The following NUCB1 variants were observed in gnomAD, a reference collection of about 807,000 sequenced individuals.
NUCB1 encodes the protein nucleobindin 1, also known as nucleobindin-1.
Under a neutral mutation model 61.2 loss-of-function variants are expected in NUCB1, and 47 were observed. The observed-to-expected ratio is 0.77, with a 90% CI of 0.61 to 0.98. The LOEUF is 0.98. Ranked by LOEUF, NUCB1 falls within the 50% of genes least tolerant of loss-of-function variation. NUCB1 has a pLI of 0.00. For synonymous variants in NUCB1, 234 were observed against 243.1 expected, an observed-to-expected ratio of 0.96 and a Z score of 0.35; for missense variants, 583 against 605.3, an observed-to-expected ratio of 0.96 and a Z score of 0.39.
chr19:48,920,162 G>A (rs1373339549), intron 10 of NUCB1, among the ~76,000 whole-genome samples: 1 of 152,064 alleles, frequency 6.6e-6, no homozygotes, highest in Admixed American at 6.6e-5. Flanking sequence ...ACCCTTCTCA[G>A]CCTCCCAAAG....
chr19:48,917,349 G>A (rs556388520), intron 7 of NUCB1, among the ~76,000 whole-genome samples: 303 of 151,762 alleles, frequency 2.0e-3, no homozygotes, highest in African/African-American at 6.8e-3. Flanking sequence ...TTAGAGATGG[G>A]GCTTCCCTTT....
At position 48,913,055 on chromosome 19, in the gene NUCB1, G is replaced by C; in HGVS notation, c.525G>C (p.Glu175Asp). ...AGTACGACGCAGCCCATCATGAAGA[G>C]TTCAAGCGCTACGAGATGCTTAAGG... is the stretch of plus-strand genomic sequence containing the variant. ...LAQYDAAHHE[E>D]FKRYEMLKEH... The change falls in exon 6 of 13, where the codon GAG becomes GAC. Residue 175 changes from glutamate (E) to aspartate (D), a missense_variant. Glu to Asp is a conservative substitution (Grantham distance 45). Coordinates refer to ENST00000405315, the MANE Select transcript of NUCB1 (RefSeq NM_006184.6). The C allele has an allele frequency of 6.2e-7, 1 of 1,613,718 alleles. No homozygotes were observed. The highest frequency in any genetic ancestry group is 1.1e-5 in the South Asian group (1 of 91,074).
chr19:48,900,512 CTT>C (rs1056606239), intron 1 of NUCB1, 140 bp downstream of exon 1: 1 of 526,558 alleles, frequency 1.9e-6, no homozygotes, highest in African/African-American at 1.9e-5. Flanking sequence ...ACCCTGGACT[CTT>C]GGGTCTGGGG....
At chr19:48,916,596 G>A (rs568828542) in intron 7 of NUCB1, among the ~76,000 whole-genome samples, 28 of 151,660 alleles carry the variant, frequency 1.8e-4, no homozygotes, top group African/African-American at 6.5e-4. Context: ...CTCCAGCCTG[G>A]GCAACAGAGT....
At chr19:48,915,848 T>C (rs1365378058) in intron 7 of NUCB1, among the ~76,000 whole-genome samples, 1 of 151,352 alleles carries the variant, frequency 6.6e-6, no homozygotes, top group Non-Finnish European at 1.5e-5. Flanking sequence ...AGGATCTTGC[T>C]ATGTTGCCCA....
chr19:48,903,145 ACTTAT>A (rs2037370098), intron 2 of NUCB1, among the ~76,000 whole-genome samples: 1 of 151,652 alleles, frequency 6.6e-6, no homozygotes, highest in Non-Finnish European at 1.5e-5. Flanking sequence ...ATTTTTTCCA[ACTTAT>A]CTTATTTGCT....
At chr19:48,912,567 G>A (rs2037486273) in intron 5 of NUCB1, among the ~76,000 whole-genome samples, 1 of 152,124 alleles carries the variant, frequency 6.6e-6, no homozygotes, top group Non-Finnish European at 1.5e-5. Context: ...TGTGCGCGAT[G>A]GCTCACGCCT....
intron 2 of NUCB1, among the ~76,000 whole-genome samples, chr19:48,902,061 G>A (rs1388285044): frequency 6.6e-6 from 1 of 152,196 alleles, no homozygotes; most frequent in Non-Finnish European, 1.5e-5. Flanking sequence ...GAAGACAAAG[G>A]GCAGGGCTCT....
chr19:48,913,336 T>C (rs2037501066), intron 6 of NUCB1, 138 bp from the exon 7 acceptor site: 7 of 1,198,534 alleles, frequency 5.8e-6, no homozygotes, highest in Non-Finnish European at 8.3e-6. Context: ...TGCCCCAGGG[T>C]CTGCTGGGAG....
rs942876773 is a variant in NUCB1 at position 48,921,457 on chromosome 19, C to T, written c.1173+133C>T. The T allele has an allele frequency of 5.5e-5, 56 of 1,027,338 alleles. No homozygotes were observed. In the South Asian group the frequency reaches 7.3e-4, roughly 13 times the overall value. The allele number at this position is 1,027,338 out of a possible 1,614,324, so 63.6% of individuals were successfully genotyped here. On this transcript the variant is annotated intron_variant, in intron 11 of 12. Transcript: ENST00000405315. ...CTGGGGGAGCCTCAAGTATTCACCG[C>T]CATCTTGAGTAAGGGCAGACGTTTT...
chr19:48,909,246 A>AT (rs1229215240), intron 4 of NUCB1, among the ~76,000 whole-genome samples: 2 of 130,848 alleles, frequency 1.5e-5, no homozygotes, highest in African/African-American at 3.9e-5. Flanking sequence ...TATTATTATT[A>AT]TTATTTTTTT....
chr19:48,905,681 A>G, intron 3 of NUCB1, 72 bp from the exon 4 acceptor site: 1 of 1,579,892 alleles, frequency 6.3e-7, no homozygotes, highest in Non-Finnish European at 8.7e-7. Context: ...GGGCATGAGA[A>G]AGCTTATAAG....
chr19:48,919,277 G>A lies in NUCB1; in HGVS notation c.993G>A (p.Glu331=). ...TQRKEFGDTG[E]GWETVEMHPA... The stretch of plus-strand genomic sequence containing the variant: ...GGAAGGAGTTTGGGGACACCGGGGA[G>A]GGCTGGGAGGTGAGAACATGGGGGA... Residue 331 remains glutamate (E), a synonymous_variant, in exon 10 of 13, where the codon GAG becomes GAA. Transcript: ENST00000405315. 1 of 1,613,330 alleles carries A rather than the reference G, an allele frequency of 6.2e-7. No individual in the cohort carries two copies. Among genetic ancestry groups the A allele is most frequent in the Non-Finnish European group, 8.5e-7 (1 of 1,179,410 alleles).
At chr19:48,913,894 G>A (rs1246980373) in intron 7 of NUCB1, among the ~76,000 whole-genome samples, 1 of 152,028 alleles carries the variant, frequency 6.6e-6, no homozygotes, top group Non-Finnish European at 1.5e-5. Flanking sequence ...TGGGAACCCT[G>A]TCGCTAGGAG....
chr19:48,916,675 T>C (rs577098248), intron 7 of NUCB1, among the ~76,000 whole-genome samples: 1 of 151,888 alleles, frequency 6.6e-6, no homozygotes, highest in Admixed American at 6.6e-5. Flanking sequence ...CCCAGCACTT[T>C]CGGAGGCCAA....
intron 2 of NUCB1, 114 bp downstream of exon 2, chr19:48,901,045 A>G (rs2037349411): frequency 2.3e-6 from 3 of 1,316,022 alleles, no homozygotes; most frequent in South Asian, 2.4e-5. Context: ...CTACAGTTGT[A>G]GCTTGTTTTT....
chr19:48,909,735 T>C (rs1443193738), intron 4 of NUCB1, among the ~76,000 whole-genome samples: 1 of 151,866 alleles, frequency 6.6e-6, no homozygotes, highest in Non-Finnish European at 1.5e-5. Context: ...AGAGATGGGG[T>C]TTCACCATGT....
intron 5 of NUCB1, among the ~76,000 whole-genome samples, 153 bp downstream of exon 5, chr19:48,911,405 C>CTTTT (rs1163076168): frequency 9.6e-6 from 1 of 104,442 alleles, no homozygotes; most frequent in Non-Finnish European, 1.9e-5. Context: ...CTTTTCTTTT[C>CTTTT]TTTTTTTTTT....
rs1201149490 is a variant in NUCB1, at chr19:48,913,700, G to T, written c.757+136G>T. ...AGAGCCAAGCCTATGTCCCCTGGTT[G>T]ACCAGACAGCCCTGCCTCTCCCGAC... On this transcript the variant is annotated intron_variant, in intron 7 of 12. Coordinates refer to ENST00000405315, the MANE Select transcript of NUCB1 (RefSeq NM_006184.6). The T allele has an allele frequency of 3.7e-5, 25 of 681,382 alleles. No homozygotes were observed. In the Admixed American group the frequency reaches 5.8e-4, roughly 16 times the overall value. The allele number at this position is 681,382 out of a possible 1,614,324, so 42.2% of individuals were successfully genotyped here.
Sources: allele counts gnomAD v4.1 joint callset (sites outside exome capture counted in the v4.1 genomes callset), GRCh38; gene constraint gnomAD v4.1.1; transcripts MANE v1.5; gene names NCBI Gene and HGNC (gene_info 2026-07-23, HGNC 2026-07-21).